The following TANC2 variants were observed in gnomAD, a reference collection of about 807,000 sequenced individuals.
TANC2 encodes tetratricopeptide repeat, ankyrin repeat and coiled-coil containing 2.
A neutral mutation model predicts 210.5 loss-of-function variants in TANC2; 26 were observed. That is an observed-to-expected ratio of 0.12 (90% CI 0.09 to 0.17). The LOEUF is 0.17. Ranked by LOEUF, TANC2 falls within the 10% of genes least tolerant of loss-of-function variation. The pLI is 1.00. For synonymous variants in TANC2, 931 were observed against 967.1 expected (o/e 0.96, Z 0.69); for missense variants, 2,129 against 2,608.9 (o/e 0.82, Z 4.01).
intron 6 of TANC2, among the ~76,000 whole-genome samples, chr17:63,198,009 G>A (rs377545152): frequency 2.0e-5 from 3 of 152,140 alleles, no homozygotes; most frequent in South Asian, 2.1e-4. Flanking sequence ...TCTCTGATAT[G>A]TGCTTTATTT....
intron 19 of TANC2, among the ~76,000 whole-genome samples, chr17:63,399,475 G>T (rs548463255): frequency 6.6e-6 from 1 of 152,212 alleles, no homozygotes; most frequent in Non-Finnish European, 1.5e-5. Context: ...TAGCAAATCA[G>T]TTTCTGTATC....
intron 4 of TANC2, among the ~76,000 whole-genome samples, chr17:63,141,468 G>A (rs939460017): frequency 3.3e-5 from 5 of 150,196 alleles, no homozygotes; most frequent in African/African-American, 7.3e-5. Flanking sequence ...TCCAGAGGCT[G>A]AGGTGGGAGA....
intron 9 of TANC2, among the ~76,000 whole-genome samples, chr17:63,289,547 T>G (rs554322837): frequency 1.3e-5 from 2 of 152,318 alleles, no homozygotes; most frequent in East Asian, 3.9e-4. Flanking sequence ...TTCTTTTTGG[T>G]TCTTCCTTAG....
rs529408813 is a variant in TANC2, at chr17:63,220,748, A to G, written c.770-17066A>G. On this transcript the variant is annotated intron_variant, in intron 7 of 27. Coordinates refer to ENST00000689528, the Ensembl canonical transcript of TANC2. Reference sequence around the variant, plus strand: ...TATATATATATATATGTATATATATATGTGTATATACGTGTATGTGTATAT... The same window carrying G: ...TATATATATATATATGTATATATATGTGTGTATATACGTGTATGTGTATAT... Among the ~76,000 whole-genome samples, 368 of 146,928 alleles carry G rather than the reference A, an allele frequency of 2.5e-3. 1 individual carries two copies. Among genetic ancestry groups the G allele is most frequent in the Middle Eastern group, 7.2e-3 (2 of 278 alleles).
intron 2 of TANC2, among the ~76,000 whole-genome samples, chr17:63,040,168 G>A (rs1273839463): frequency 1.3e-5 from 2 of 152,144 alleles, no homozygotes; most frequent in African/African-American, 2.4e-5. Flanking sequence ...GTGTGAGTTC[G>A]CATTGCACAT....
At chr17:63,391,969 C>T (rs34987894) in intron 17 of TANC2, among the ~76,000 whole-genome samples, 2,738 of 152,196 alleles carry the variant, frequency 0.018, 46 homozygotes, top group Non-Finnish European at 0.029. Flanking sequence ...TCAGGTGATC[C>T]ACCCACCTTG....
chr17:63,124,956 C>T (rs1186889666), intron 4 of TANC2, among the ~76,000 whole-genome samples: 1 of 152,218 alleles, frequency 6.6e-6, no homozygotes, highest in Non-Finnish European at 1.5e-5. Flanking sequence ...AAATGGGTCT[C>T]TGGTGCCCAA....
intron 2 of TANC2, among the ~76,000 whole-genome samples, chr17:63,019,097 G>A (rs1366613190): frequency 2.0e-5 from 3 of 152,136 alleles, no homozygotes; most frequent in Non-Finnish European, 2.9e-5. Context: ...TTAATTGCAT[G>A]TTAATTTATA....
intron 14 of TANC2, 94 bp downstream of exon 14, chr17:63,355,484 C>A: frequency 7.6e-7 from 1 of 1,313,466 alleles, no homozygotes; most frequent in Non-Finnish European, 1.0e-6. Context: ...CTTCATTGAA[C>A]ATTTCACATA....
intron 8 of TANC2, among the ~76,000 whole-genome samples, chr17:63,240,625 A>G (rs1422998906): frequency 6.6e-6 from 1 of 152,110 alleles, no homozygotes; most frequent in Admixed American, 6.6e-5. Context: ...TGAACAGACT[A>G]TGGGAAGAGA....
intron 4 of TANC2, among the ~76,000 whole-genome samples, chr17:63,116,625 T>C (rs1183588141): frequency 1.3e-5 from 2 of 152,226 alleles, no homozygotes; most frequent in Non-Finnish European, 2.9e-5. Flanking sequence ...CAGGTGATAG[T>C]ATGCCTCTCT....
chr17:63,146,413 T>A (rs1301041994), intron 4 of TANC2, among the ~76,000 whole-genome samples: 1 of 152,202 alleles, frequency 6.6e-6, no homozygotes, highest in Non-Finnish European at 1.5e-5. Context: ...CAAACATTTT[T>A]ATTTTCCTAC....
chr17:63,306,627 C>T (rs939498658), intron 9 of TANC2, among the ~76,000 whole-genome samples: 1 of 152,132 alleles, frequency 6.6e-6, no homozygotes, highest in Non-Finnish European at 1.5e-5. Flanking sequence ...ATGATAAATT[C>T]TCCAAGAGAA....
At chr17:63,163,981 A>T (rs1285710963) in intron 5 of TANC2, among the ~76,000 whole-genome samples, 1 of 152,150 alleles carries the variant, frequency 6.6e-6, no homozygotes, top group Non-Finnish European at 1.5e-5. Context: ...ATACTTTGAA[A>T]ATTTTTTAAA....
rs778929327 is a variant in TANC2 at position 63,343,761 on chromosome 17, T to G, written c.1807+3429T>G. Among the ~76,000 whole-genome samples, 38 of 151,910 alleles carry G rather than the reference T, an allele frequency of 2.5e-4. 1 individual carries two copies. The highest frequency in any genetic ancestry group is 3.4e-3 in the Middle Eastern group (1 of 294). ...TCAACAACAACACCAGCAGGCATGG[T>G]GGTGCACAGCTGTAGTCCCAGCTAC... is the stretch of plus-strand genomic sequence containing the variant. On this transcript the variant is annotated intron_variant, in intron 12 of 27. Coordinates refer to ENST00000689528, the Ensembl canonical transcript of TANC2.
At chr17:63,114,250 CTG>C (rs2038165305) in intron 4 of TANC2, among the ~76,000 whole-genome samples, 2 of 152,138 alleles carry the variant, frequency 1.3e-5, no homozygotes, top group South Asian at 4.1e-4. Flanking sequence ...AAAATAAAAA[CTG>C]AGTATAAAGA....
intron 4 of TANC2, among the ~76,000 whole-genome samples, chr17:63,136,789 G>A (rs2039105308): frequency 6.6e-6 from 1 of 152,172 alleles, no homozygotes; most frequent in African/African-American, 2.4e-5. Context: ...CGTGGGTTGA[G>A]GGTGACAAGA....
chr17:63,234,219 G>A (rs996359238), intron 7 of TANC2, among the ~76,000 whole-genome samples: 8 of 152,158 alleles, frequency 5.3e-5, no homozygotes, highest in Admixed American at 1.3e-4. Flanking sequence ...TCCACATTAA[G>A]AGTACAGTAC....
intron 6 of TANC2, 93 bp from the exon 7 acceptor site, chr17:63,200,678 G>C: frequency 9.6e-7 from 1 of 1,046,562 alleles, no homozygotes; most frequent in South Asian, 1.8e-5. Flanking sequence ...TATGCATGTA[G>C]TTTTTTTTTT....
Sources: gnomAD v4.1 joint callset for allele counts (sites outside exome capture counted in the v4.1 genomes callset) on GRCh38, gnomAD v4.1.1 for gene constraint, MANE v1.5 for transcripts, NCBI Gene and HGNC (gene_info 2026-07-23, HGNC 2026-07-21) for gene names.